Variants in MSI2 observed in about 807,000 individuals in gnomAD.
The protein encoded by MSI2 is RNA-binding protein Musashi homolog 2.
MSI2 carries 17 observed loss-of-function variants against 45.6 expected under a neutral mutation model. The observed-to-expected ratio is 0.37, with a 90% CI of 0.26 to 0.56. The LOEUF (loss-of-function observed/expected upper bound fraction) is 0.56. Among genes scored for constraint, MSI2 ranks in the 20% least tolerant of loss-of-function variants. The pLI is 0.77. For missense variants in MSI2, 293 were observed against 444.2 expected, an observed-to-expected ratio of 0.66 and a Z score of 3.06; for synonymous variants, 156 against 158.2, an observed-to-expected ratio of 0.99 and a Z score of 0.11.
intron 5 of MSI2, among the ~76,000 whole-genome samples, chr17:57,353,570 G>A (rs1916198660): frequency 2.0e-5 from 3 of 152,212 alleles, no homozygotes; most frequent in Admixed American, 2.0e-4. Context: ...GGAGTAGTTG[G>A]TGGAGATGTA....
chr17:57,424,273 C>G (rs1163791760), intron 6 of MSI2, among the ~76,000 whole-genome samples: 2 of 152,216 alleles, frequency 1.3e-5, no homozygotes, highest in East Asian at 3.8e-4. Context: ...CCAAGGTATC[C>G]TTCTGGGATG....
chr17:57,470,764 A>G (rs1699316525), intron 6 of MSI2, among the ~76,000 whole-genome samples: 1 of 152,236 alleles, frequency 6.6e-6, no homozygotes, highest in South Asian at 2.1e-4. Context: ...GTGGTAAAGC[A>G]GTAAAGTGAA....
At chr17:57,341,105 A>G (rs1915105666) in intron 5 of MSI2, among the ~76,000 whole-genome samples, 1 of 152,114 alleles carries the variant, frequency 6.6e-6, no homozygotes, top group South Asian at 2.1e-4. Flanking sequence ...CTTTTAGAAC[A>G]TGGATGATAT....
At chr17:57,358,709 G>A (rs1159353133) in intron 5 of MSI2, among the ~76,000 whole-genome samples, 1 of 152,134 alleles carries the variant, frequency 6.6e-6, no homozygotes, top group African/African-American at 2.4e-5. Flanking sequence ...AAGGTTTGAG[G>A]AAAATAATTT....
At chr17:57,423,430 A>G (rs1303656270) in intron 6 of MSI2, among the ~76,000 whole-genome samples, 2 of 152,244 alleles carry the variant, frequency 1.3e-5, no homozygotes, top group South Asian at 2.1e-4. Context: ...CTTTTCTACA[A>G]ATTTCGGCTT....
chr17:57,371,896 G>T (rs909210874), intron 5 of MSI2, among the ~76,000 whole-genome samples: 2 of 150,868 alleles, frequency 1.3e-5, no homozygotes, highest in Non-Finnish European at 3.0e-5. Flanking sequence ...ATATAAAGGA[G>T]CTTATATATA....
chr17:57,257,884 C>T (rs569255929), intron 3 of MSI2, among the ~76,000 whole-genome samples: 7 of 152,172 alleles, frequency 4.6e-5, no homozygotes, highest in African/African-American at 1.7e-4. Context: ...CCCACACTCC[C>T]AGCTCCCCAA....
At chr17:57,277,104 G>A (rs940498263) in intron 5 of MSI2, among the ~76,000 whole-genome samples, 24 of 145,636 alleles carry the variant, frequency 1.6e-4, no homozygotes, top group African/African-American at 6.2e-4. Flanking sequence ...CGCCCAGGCT[G>A]GAGTGCAGTA....
intron 7 of MSI2, among the ~76,000 whole-genome samples, chr17:57,564,013 C>G (rs965163499): frequency 2.6e-5 from 4 of 152,190 alleles, no homozygotes; most frequent in Non-Finnish European, 5.9e-5. Context: ...CAAGCGCAGC[C>G]TGATGAATAG....
At chr17:57,537,245 G>A (rs2086939997) in intron 7 of MSI2, among the ~76,000 whole-genome samples, 2 of 152,134 alleles carry the variant, frequency 1.3e-5, no homozygotes, top group Admixed American at 1.3e-4. Context: ...TCTAAAGCTG[G>A]GACTGTGTGA....
intron 5 of MSI2, among the ~76,000 whole-genome samples, chr17:57,390,341 A>AT (rs1351632203): frequency 1.3e-5 from 2 of 152,284 alleles, no homozygotes; most frequent in Admixed American, 1.3e-4. Flanking sequence ...CCCTGGCTGC[A>AT]TATTAGAATG....
chr17:57,471,589 C>T (rs2085438468), intron 6 of MSI2, among the ~76,000 whole-genome samples: 1 of 152,156 alleles, frequency 6.6e-6, no homozygotes, highest in African/African-American at 2.4e-5. Flanking sequence ...ATTTGAGCTG[C>T]TCCCTAATCC....
At chr17:57,626,939 T>G in intron 9 of MSI2, 1 of 496,526 alleles carries the variant, frequency 2.0e-6, no homozygotes, top group Non-Finnish European at 3.6e-6. Flanking sequence ...GGCGCAGGCT[T>G]TGTGTTTGGT....
Position 57,683,699 on chromosome 17 carries a change from T to A in MSI2, c.*4182T>A, listed in dbSNP as rs1283363741. The A allele has an allele frequency of 4.4e-6, 1 of 228,164 alleles. No homozygotes were observed. The highest frequency in any genetic ancestry group is 2.2e-5 in the African/African-American group (1 of 44,472). 14.1% of individuals were successfully genotyped at this position (228,164 alleles called of 1,614,324 possible). A position where few individuals can be genotyped will look rare whatever the true frequency, so the allele number is the denominator to read the frequency against. On this transcript the variant is annotated 3_prime_UTR_variant, in exon 14 of 14. Coordinates refer to ENST00000284073, the MANE Select transcript of MSI2 (RefSeq NM_138962.4). This position sits in a 1 kb window ranked among gnomAD's most constrained non-coding sequence, Gnocchi z 5.2. ...GATTTTTTTTTTTTTTTCTTGAATGTGCTTCGCAAGCCAGGCTATCTTCCA... is the reference window on the plus strand; with the variant it reads ...GATTTTTTTTTTTTTTTCTTGAATGAGCTTCGCAAGCCAGGCTATCTTCCA...
At chr17:57,388,981 C>CTTCT (rs1555595525) in intron 5 of MSI2, among the ~76,000 whole-genome samples, 4 of 113,836 alleles carry the variant, frequency 3.5e-5, no homozygotes, top group African/African-American at 1.3e-4. Flanking sequence ...TCTTCTTCTT[C>CTTCT]TTTTTTTTTT....
In MSI2 at chr17:57,596,466, G is replaced by A. The variant is rs752039245; in HGVS notation, c.455-402G>A. 2.0e-5 allele frequency among the ~76,000 whole-genome samples: 3 copies of A among 152,322 alleles called. No individual in the cohort carries two copies. Among genetic ancestry groups the A allele is most frequent in the East Asian group, 1.9e-4 (1 of 5,194 alleles). On this transcript the variant is annotated intron_variant, in intron 7 of 13. Coordinates refer to ENST00000284073, the MANE Select transcript of MSI2 (RefSeq NM_138962.4). The surrounding 1 kb of genome is among the most constrained non-coding windows in gnomAD (Gnocchi z 4.6). ...ACCACCTCCGTCTGGAGGCCGACCC[G>A]AGGGCTGGCCAGGGCTGCTCGCGGA...
chr17:57,607,591 C>G (rs1598445235), intron 8 of MSI2, among the ~76,000 whole-genome samples: 1 of 152,242 alleles, frequency 6.6e-6, no homozygotes, highest in South Asian at 2.1e-4. Context: ...GGGAGGGTCT[C>G]TTCCGCTCAC....
intron 6 of MSI2, among the ~76,000 whole-genome samples, chr17:57,498,018 T>G (rs1853773435): frequency 6.6e-6 from 1 of 152,130 alleles, no homozygotes; most frequent in African/African-American, 2.4e-5. Context: ...TTTCTTCACA[T>G]CTCCCATTTA....
chr17:57,394,829 C>CA (rs1013326908), intron 5 of MSI2, among the ~76,000 whole-genome samples: 3 of 152,048 alleles, frequency 2.0e-5, no homozygotes, highest in Admixed American at 6.5e-5. Flanking sequence ...CTGCTGTCAC[C>CA]AAAAAAAGGT....
Sources: gnomAD v4.1 joint callset for allele counts (sites outside exome capture counted in the v4.1 genomes callset) on GRCh38, gnomAD v4.1.1 for gene constraint, Gnocchi (gnomAD v3.1) non-coding constraint, MANE v1.5 for transcripts, NCBI Gene and HGNC (gene_info 2026-07-23, HGNC 2026-07-21) for gene names.